Variants in FRMPD4 observed in about 807,000 individuals in gnomAD.
FRMPD4 encodes the protein FERM and PDZ domain-containing protein 4.
A neutral mutation model predicts 94.1 loss-of-function variants in FRMPD4; 22 were observed. The observed-to-expected ratio is 0.23, with a 90% CI of 0.17 to 0.33. The LOEUF (loss-of-function observed/expected upper bound fraction) is 0.33. Ranked by LOEUF, FRMPD4 falls within the 10% of genes least tolerant of loss-of-function variation. The pLI is 1.00. For synonymous variants in FRMPD4, 631 were observed against 548.6 expected, an observed-to-expected ratio of 1.15 and a Z score of -2.10; for missense variants, 1,111 against 1,339.9, an observed-to-expected ratio of 0.83 and a Z score of 2.67.
chrX:12,013,341 C>T (rs375347650), intron 3 of FRMPD4, among the ~76,000 whole-genome samples: 4 of 111,882 alleles, frequency 3.6e-5, no homozygotes, highest in South Asian at 7.6e-4. Context: ...CCTTTGTATT[C>T]ATGTCAAGAA....
chrX:12,431,643 C>T (rs1220529952), intron 1 of FRMPD4, among the ~76,000 whole-genome samples: 1 of 111,819 alleles, frequency 8.9e-6, no homozygotes, highest in Admixed American at 9.5e-5. Flanking sequence ...GTATTCACGC[C>T]CTTTTCTCCT....
chrX:12,040,491 G>C (rs1179709627), intron 3 of FRMPD4, among the ~76,000 whole-genome samples: 6 of 100,951 alleles, frequency 5.9e-5, no homozygotes, highest in African/African-American at 2.2e-4. Flanking sequence ...TCTAGCCTTT[G>C]ATTATAGATT....
intron 3 of FRMPD4, among the ~76,000 whole-genome samples, chrX:11,967,686 C>T (rs1311081349): frequency 9.4e-6 from 1 of 106,817 alleles, no homozygotes; most frequent in Non-Finnish European, 1.9e-5. Context: ...CAGAGCTGGA[C>T]TTAACAGGAA....
intron 4 of FRMPD4, among the ~76,000 whole-genome samples, chrX:12,640,891 G>A (rs1347447404): frequency 9.0e-6 from 1 of 111,365 alleles, no homozygotes; most frequent in Non-Finnish European, 1.9e-5. Flanking sequence ...CCATTAAAAG[G>A]TGGGATTGAG....
chrX:12,570,008 T>C (rs1455502044), intron 2 of FRMPD4, among the ~76,000 whole-genome samples: 1 of 112,427 alleles, frequency 8.9e-6, no homozygotes, highest in Non-Finnish European at 1.9e-5. Context: ...TAAATTTAAA[T>C]GGCTTTCATT....
At chrX:12,263,789 G>GA (rs201171637) in intron 1 of FRMPD4, among the ~76,000 whole-genome samples, 26 of 102,598 alleles carry the variant, frequency 2.5e-4, no homozygotes, top group Admixed American at 9.3e-4. Flanking sequence ...TGCATAACTT[G>GA]AAAAAAAAAA....
At chrX:11,891,567 G>A (rs1431051749) in intron 3 of FRMPD4, among the ~76,000 whole-genome samples, 1 of 112,045 alleles carries the variant, frequency 8.9e-6, no homozygotes, top group Non-Finnish European at 1.9e-5. Context: ...CACAGGATAG[G>A]TTAACAGTTG....
rs767878922 is a variant in FRMPD4 at position 11,854,900 on chromosome X, G to T, written c.-160-10186G>T. Among the ~76,000 whole-genome samples, 9 of 111,971 alleles carry T rather than the reference G, an allele frequency of 8.0e-5. 1 individual carries two copies. The highest frequency in any genetic ancestry group is 1.5e-4 in the Non-Finnish European group (8 of 53,055). On this transcript the variant is annotated intron_variant, in intron 1 of 18. Coordinates refer to the FRMPD4 transcript ENST00000640291. ...TCTTCTCACAGCTCCACCAGGCAAT[G>T]CCCCAGTGGGGACTCTGTGTGGGGG...
chrX:12,244,828 G>A (rs1364700623), intron 1 of FRMPD4, among the ~76,000 whole-genome samples: 1 of 111,892 alleles, frequency 8.9e-6, no homozygotes, highest in Non-Finnish European at 1.9e-5. Context: ...AGGCAAGGTG[G>A]ACAGAGCTGA....
At chrX:11,876,198 T>C (rs1419654870) in intron 2 of FRMPD4, among the ~76,000 whole-genome samples, 2 of 111,165 alleles carry the variant, frequency 1.8e-5, no homozygotes, top group Admixed American at 1.9e-4. Flanking sequence ...CTCTGTACTA[T>C]TTCTCCCTCT....
At chrX:12,017,648 T>C (rs749540150) in intron 3 of FRMPD4, among the ~76,000 whole-genome samples, 17 of 112,076 alleles carry the variant, frequency 1.5e-4, no homozygotes, top group African/African-American at 5.5e-4. Context: ...TCTCCTATTG[T>C]AAATGCTTTT....
intron 1 of FRMPD4, among the ~76,000 whole-genome samples, chrX:12,481,950 A>AAAAATAAAATAAAAT (rs2057689061): frequency 1.1e-5 from 1 of 88,370 alleles, no homozygotes; most frequent in Non-Finnish European, 2.3e-5. Context: ...CTCAAAAAAA[A>AAAAATAAAATAAAAT]AAAAAAAAAA....
intron 1 of FRMPD4, among the ~76,000 whole-genome samples, chrX:12,429,324 G>C (rs1489996087): frequency 1.8e-5 from 2 of 111,581 alleles, no homozygotes; most frequent in Admixed American, 1.9e-4. Flanking sequence ...CAATCAGTAG[G>C]GGGTGCAGGC....
intron 1 of FRMPD4, among the ~76,000 whole-genome samples, chrX:12,497,855 C>T (rs920339705): frequency 1.8e-5 from 2 of 110,680 alleles, no homozygotes; most frequent in African/African-American, 6.6e-5. Context: ...TCTGAAAGGC[C>T]GAGACCCCTG....
chrX:12,601,803 G>A (rs186752088), intron 2 of FRMPD4, among the ~76,000 whole-genome samples: 7 of 111,435 alleles, frequency 6.3e-5, no homozygotes, highest in Admixed American at 9.6e-5. Context: ...ACTGACTGCC[G>A]TTTCTTAGGC....
intron 1 of FRMPD4, among the ~76,000 whole-genome samples, chrX:12,481,747 C>T (rs183392484): frequency 2.2e-3 from 231 of 106,834 alleles, no homozygotes; most frequent in Non-Finnish European, 3.9e-3. Context: ...CGAGACCATC[C>T]TGGCTAACAT....
At chrX:12,455,721 C>G (rs1232024428) in intron 1 of FRMPD4, among the ~76,000 whole-genome samples, 1 of 112,061 alleles carries the variant, frequency 8.9e-6, no homozygotes, top group Non-Finnish European at 1.9e-5. Flanking sequence ...TAGATTCAAT[C>G]TTAATGCACT....
At chrX:12,275,131 T>C (rs1266499767) in intron 1 of FRMPD4, among the ~76,000 whole-genome samples, 1 of 112,118 alleles carries the variant, frequency 8.9e-6, no homozygotes, top group Non-Finnish European at 1.9e-5. Flanking sequence ...AGGTGGGGCC[T>C]GGTGGGAGGT....
chrX:12,628,531 T>C (rs2148444548), intron 4 of FRMPD4, among the ~76,000 whole-genome samples: 1 of 112,752 alleles, frequency 8.9e-6, no homozygotes, highest in South Asian at 3.7e-4. Flanking sequence ...CCTCTGGGGC[T>C]AATTTCCTCC....
Sources: gnomAD v4.1 joint callset for allele counts (sites outside exome capture counted in the v4.1 genomes callset) on GRCh38, gnomAD v4.1.1 for gene constraint, MANE v1.5 for transcripts, NCBI Gene and HGNC (gene_info 2026-07-23, HGNC 2026-07-21) for gene names.